The following CDK14 variants were observed in gnomAD, a reference collection of about 807,000 sequenced individuals.
The protein encoded by CDK14 is cyclin dependent kinase 14.
In CDK14, 34 loss-of-function variants were observed where a neutral mutation model predicts 60.7. The ratio of observed to expected loss-of-function variants is 0.56; its 90% confidence interval spans 0.43 to 0.75. CDK14 has a LOEUF of 0.75. CDK14 is among the 30% of genes least tolerant of loss of function. CDK14 has a pLI of 0.00. For missense variants in CDK14, 482 were observed against 564.1 expected (o/e 0.85, Z 1.47); for synonymous variants, 197 against 203.7 (o/e 0.97, Z 0.28).
intron 4 of CDK14, among the ~76,000 whole-genome samples, chr7:90,777,016 TAAAAAAAA>T (rs11370384): frequency 6.8e-6 from 1 of 147,882 alleles, no homozygotes; most frequent in Non-Finnish European, 1.5e-5. Flanking sequence ...CGAAGTTAGT[TAAAAAAAA>T]AAAAAAAGTC....
intron 5 of CDK14, among the ~76,000 whole-genome samples, chr7:90,838,159 A>G (rs1247420975): frequency 6.6e-6 from 1 of 152,158 alleles, no homozygotes; most frequent in Non-Finnish European, 1.5e-5. Context: ...AGTTCCCAAA[A>G]TTAATACTTT....
Position 90,802,443 on chromosome 7 carries a change from T to C in CDK14, c.544+11791T>C, listed in dbSNP as rs556251251. Among the ~76,000 whole-genome samples, 3 of 152,310 alleles carry C rather than the reference T, an allele frequency of 2.0e-5. No individual in the cohort carries two copies. In the South Asian group the frequency reaches 6.2e-4, roughly 32 times the overall value. On this transcript the variant is annotated intron_variant, in intron 5 of 14. Transcript: ENST00000380050. ...AGGAATCTAAATCAGACTTTAGAGA[T>C]TACCTTGTCCAGGGGTTTCTCAGTT...
At chr7:91,001,612 C>T (rs1795837791) in intron 10 of CDK14, among the ~76,000 whole-genome samples, 1 of 152,062 alleles carries the variant, frequency 6.6e-6, no homozygotes, top group African/African-American at 2.4e-5. Context: ...AAGAAACTTT[C>T]TTTTTATCCT....
intron 2 of CDK14, among the ~76,000 whole-genome samples, chr7:90,626,069 C>T (rs930344574): frequency 1.3e-5 from 2 of 152,186 alleles, no homozygotes; most frequent in African/African-American, 2.4e-5. Flanking sequence ...CTTTCTGTGA[C>T]TTCCACTGGT....
chr7:91,013,656 G>GGTTTTTTTTTTTTTTTTTTTT (rs1562868451), intron 10 of CDK14, among the ~76,000 whole-genome samples: 6 of 123,384 alleles, frequency 4.9e-5, no homozygotes, highest in Non-Finnish European at 6.7e-5. Flanking sequence ...CATTGCCTCT[G>GGTTTTTTTTTTTTTTTTTTTT]TTTTTTTTTT....
intron 2 of CDK14, among the ~76,000 whole-genome samples, chr7:90,689,704 G>A (rs995852964): frequency 2.0e-5 from 3 of 152,140 alleles, no homozygotes; most frequent in African/African-American, 7.2e-5. Context: ...TATATTTAAT[G>A]TTTATAAAAT....
At chr7:91,134,109 TGAGGGCTTTTTGTGGGGG>T (rs780188277) in intron 14 of CDK14, among the ~76,000 whole-genome samples, 1 of 152,020 alleles carries the variant, frequency 6.6e-6, no homozygotes, top group Non-Finnish European at 1.5e-5. Context: ...TTTCAAAAGG[TGAGGGCTTTTTGTGGGGG>T]GAGGGCATTG....
At position 90,731,367 on chromosome 7, in the gene CDK14, A is replaced by G. The variant is rs530049633; in HGVS notation, c.369+4555A>G. ...TATGAAATTTAAAGTAGTTTTTTCC[A>G]GTTCTGTGAAGAAAGTCAATGATAG... On this transcript the variant is annotated intron_variant, in intron 3 of 14. Coordinates refer to ENST00000380050, the MANE Select transcript of CDK14 (RefSeq NM_001287135.2). 2.6e-5 allele frequency among the ~76,000 whole-genome samples: 4 copies of G among 152,290 alleles called. No homozygotes were observed. The East Asian group carries it at 7.7e-4, about 29-fold the overall frequency.
chr7:90,909,318 T>A (rs1792813876), intron 7 of CDK14, among the ~76,000 whole-genome samples: 1 of 152,158 alleles, frequency 6.6e-6, no homozygotes, highest in Non-Finnish European at 1.5e-5. Flanking sequence ...GAAAATTATG[T>A]TAGATAGCTA....
chr7:90,817,126 A>C (rs879764858), intron 5 of CDK14, among the ~76,000 whole-genome samples: 2 of 152,222 alleles, frequency 1.3e-5, no homozygotes, highest in African/African-American at 2.4e-5. Flanking sequence ...GGAACTCTTC[A>C]AAAGACTATC....
At chr7:90,614,285 A>G (rs1383717779) in intron 2 of CDK14, among the ~76,000 whole-genome samples, 1 of 152,154 alleles carries the variant, frequency 6.6e-6, no homozygotes, top group African/African-American at 2.4e-5. Context: ...GATTACAGGC[A>G]TAAGCCACCG....
chr7:90,720,280 G>T (rs1184212449), intron 2 of CDK14, among the ~76,000 whole-genome samples: 1 of 152,174 alleles, frequency 6.6e-6, no homozygotes, highest in Non-Finnish European at 1.5e-5. Flanking sequence ...ATCAACAAGT[G>T]CATCTAGGCA....
At chr7:90,736,935 G>T (rs1206042956) in intron 3 of CDK14, among the ~76,000 whole-genome samples, 4 of 152,126 alleles carry the variant, frequency 2.6e-5, no homozygotes, top group African/African-American at 9.7e-5. Context: ...TGGCTGATTG[G>T]TTTTTTTCTT....
intron 6 of CDK14, among the ~76,000 whole-genome samples, chr7:90,870,549 C>T (rs181378157): frequency 3.3e-5 from 5 of 152,258 alleles, no homozygotes; most frequent in Non-Finnish European, 5.9e-5. Flanking sequence ...GGAATACATT[C>T]GGATACAGGG....
intron 13 of CDK14, among the ~76,000 whole-genome samples, chr7:91,114,700 C>T (rs1459009138): frequency 1.3e-5 from 2 of 152,022 alleles, no homozygotes; most frequent in African/African-American, 4.8e-5. Context: ...TAAATGCCTC[C>T]GGTAACAATT....
intron 10 of CDK14, among the ~76,000 whole-genome samples, chr7:91,007,089 T>C (rs1796000320): frequency 6.6e-6 from 1 of 152,200 alleles, no homozygotes; most frequent in Admixed American, 6.5e-5. Flanking sequence ...ACTTTGAACA[T>C]TTTTATAAAT....
At chr7:90,905,770 C>T (rs1175729894) in intron 7 of CDK14, among the ~76,000 whole-genome samples, 1 of 152,110 alleles carries the variant, frequency 6.6e-6, no homozygotes, top group African/African-American at 2.4e-5. Context: ...ACTTTCGAAA[C>T]ACTAAGTCAC....
chr7:90,596,707 T>G lies in CDK14; in HGVS notation c.80T>G (p.Phe27Cys). The change falls in exon 1 of 15, where the codon TTC (phenylalanine) becomes TGC (cysteine). Residue 27 changes from phenylalanine (F) to cysteine (C), a missense_variant. Coordinates refer to ENST00000380050, the MANE Select transcript of CDK14 (RefSeq NM_001287135.2). ...KKLRRTLSESFSRIALKKDDT... is the reference protein window; with the variant it reads ...KKLRRTLSESCSRIALKKDDT... ...TTGCGGAGAACTTTGTCGGAGAGTT[T>G]CAGTCGCATTGGTGAGTAGCGCGCT... 2 of 1,611,444 alleles carry G rather than the reference T, an allele frequency of 1.2e-6. No homozygotes were observed. Among genetic ancestry groups the G allele is most frequent in the Non-Finnish European group, 8.5e-7 (1 of 1,178,956 alleles).
chr7:90,740,769 T>C (rs1803313336), intron 3 of CDK14, among the ~76,000 whole-genome samples: 1 of 152,220 alleles, frequency 6.6e-6, no homozygotes, highest in Non-Finnish European at 1.5e-5. Flanking sequence ...ACACTGTTAA[T>C]TTGTTTTCTC....
Sources: allele counts gnomAD v4.1 joint callset (sites outside exome capture counted in the v4.1 genomes callset), GRCh38; gene constraint gnomAD v4.1.1; transcripts MANE v1.5; gene names NCBI Gene and HGNC (gene_info 2026-07-23, HGNC 2026-07-21).